The following PIK3R1 variants were observed in gnomAD, a reference collection of about 807,000 sequenced individuals.
PIK3R1 encodes phosphoinositide-3-kinase regulatory subunit 1, also known as phosphatidylinositol 3-kinase regulatory subunit alpha.
In PIK3R1, 29 loss-of-function variants were observed where a neutral mutation model predicts 98.0. The observed-to-expected ratio is 0.30, with a 90% CI of 0.22 to 0.40. The LOEUF (loss-of-function observed/expected upper bound fraction) is 0.40, where lower values mean the gene tolerates loss of function less well. Ranked by LOEUF, PIK3R1 falls within the 10% of genes least tolerant of loss-of-function variation. The pLI is 1.00. For synonymous variants in PIK3R1, 282 were observed against 311.8 expected (o/e 0.90, Z 1.01); for missense variants, 596 against 872.7 (o/e 0.68, Z 3.99).
intron 2 of PIK3R1, among the ~76,000 whole-genome samples, chr5:68,249,009 G>A (rs1745203222): frequency 6.6e-6 from 1 of 152,190 alleles, no homozygotes; most frequent in South Asian, 2.1e-4. Flanking sequence ...ATTCAAAAAG[G>A]TGAGATAGAG....
At chr5:68,263,614 C>G (rs1048586140) in intron 2 of PIK3R1, among the ~76,000 whole-genome samples, 3 of 152,132 alleles carry the variant, frequency 2.0e-5, no homozygotes, top group Non-Finnish European at 4.4e-5. Flanking sequence ...TTTTGTTAAA[C>G]TCTGATTCCT....
At chr5:68,279,846 T>G in intron 5 of PIK3R1, 113 bp downstream of exon 5, 1 of 1,000,532 alleles carries the variant, frequency 1.0e-6, no homozygotes, top group Non-Finnish European at 1.5e-6. Flanking sequence ...TAATAACCTG[T>G]CCCTCCCCCA....
At position 68,301,420 on chromosome 5, in the gene PIK3R1, A is replaced by ATGTGTGTG. The variant is rs1395079558; in HGVS notation, c.*3820_*3821insGTGTGTGT. On this transcript the variant is annotated 3_prime_UTR_variant, in exon 16 of 16. Coordinates refer to ENST00000521381, the MANE Select transcript of PIK3R1 (RefSeq NM_181523.3). ...TATATATATATATATATATATATAT[A>ATGTGTGTG]TATATATATATATGTGTGTGTATAT... The ATGTGTGTG allele has an allele frequency of 2.9e-5, 3 of 102,960 alleles. No individual in the cohort carries two copies. The highest frequency in any genetic ancestry group is 1.0e-4 in the Admixed American group (1 of 9,904). The allele number at this position is 102,960 out of a possible 1,614,324, so 6.4% of individuals were successfully genotyped here. A position where few individuals can be genotyped will look rare whatever the true frequency, so the allele number is the denominator to read the frequency against.
intron 2 of PIK3R1, among the ~76,000 whole-genome samples, chr5:68,256,252 C>G (rs749860532): frequency 5.6e-4 from 86 of 152,218 alleles, no homozygotes; most frequent in African/African-American, 2.0e-3. Flanking sequence ...TTTGTTGAGA[C>G]GGAGTCTCGC....
chr5:68,234,166 G>A (rs145624712), intron 2 of PIK3R1, among the ~76,000 whole-genome samples: 67 of 152,282 alleles, frequency 4.4e-4, no homozygotes, highest in African/African-American at 1.4e-3. Context: ...ATTCCTTAAC[G>A]TTCTAGTTCC....
intron 7 of PIK3R1, among the ~76,000 whole-genome samples, chr5:68,287,292 T>A (rs1431772370): frequency 1.3e-5 from 2 of 152,162 alleles, no homozygotes; most frequent in Non-Finnish European, 2.9e-5. Flanking sequence ...CTTAAAAGAT[T>A]AACTTCAGTT....
intron 1 of PIK3R1, among the ~76,000 whole-genome samples, chr5:68,222,396 T>C (rs986886432): frequency 6.6e-6 from 1 of 152,080 alleles, no homozygotes; most frequent in Non-Finnish European, 1.5e-5. Context: ...AAGGAGGAGC[T>C]GGGTTATTGG....
chr5:68,235,270 G>A (rs1354706619), intron 2 of PIK3R1, among the ~76,000 whole-genome samples: 1 of 152,110 alleles, frequency 6.6e-6, no homozygotes, highest in African/African-American at 2.4e-5. Context: ...GGGTGTGATG[G>A]TGCATGCCTG....
intron 2 of PIK3R1, among the ~76,000 whole-genome samples, chr5:68,262,731 ACATGTAGATG>A (rs1236441875): frequency 9.5e-4 from 132 of 138,288 alleles, no homozygotes; most frequent in Non-Finnish European, 1.1e-3. Flanking sequence ...ATACATATAT[ACATGTAGATG>A]CATGTAGATA....
chr5:68,262,918 TAG>T (rs796650477), intron 2 of PIK3R1, among the ~76,000 whole-genome samples: 1 of 83,200 alleles, frequency 1.2e-5, no homozygotes, highest in Non-Finnish European at 2.6e-5. Flanking sequence ...TAGATACATG[TAG>T]ATACATGTAT....
intron 2 of PIK3R1, among the ~76,000 whole-genome samples, chr5:68,251,666 G>A (rs1745313569): frequency 2.6e-5 from 4 of 152,036 alleles, no homozygotes; most frequent in Admixed American, 2.6e-4. Context: ...AAAGTAGGAA[G>A]CTTTTTTTAT....
chr5:68,277,327 AG>A (rs1746618707), intron 4 of PIK3R1, among the ~76,000 whole-genome samples: 1 of 152,226 alleles, frequency 6.6e-6, no homozygotes, highest in Admixed American at 6.5e-5. Flanking sequence ...CTTTATGCAG[AG>A]GATCTACTAC....
rs200107048 is a variant in PIK3R1 at position 68,293,387 on chromosome 5, G to A, written c.1203G>A (p.Val401=). 6.2e-7 allele frequency: 1 copy of A among 1,613,310 alleles called. No individual in the cohort carries two copies. The highest frequency in any genetic ancestry group is 2.2e-5 in the East Asian group (1 of 44,818). The change falls in exon 10 of 16, where the codon GTG becomes GTA. Residue 401 remains valine (V), a synonymous_variant. Transcript: ENST00000521381. The stretch of plus-strand genomic sequence containing the variant: ...CTGACCCATTAACCTTCAGTTCTGT[G>A]GTTGAATTAATAAACCACTACCGGA... The part of the protein sequence containing the change: ...GFSDPLTFSS[V]VELINHYRNE...
intron 1 of PIK3R1, among the ~76,000 whole-genome samples, chr5:68,225,558 T>G (rs1302719013): frequency 6.6e-6 from 1 of 152,164 alleles, no homozygotes; most frequent in Non-Finnish European, 1.5e-5. Context: ...AGTGTTTATT[T>G]CACTCCTCCC....
chr5:68,282,987 C>T (rs1398868646), intron 7 of PIK3R1, among the ~76,000 whole-genome samples: 2 of 152,152 alleles, frequency 1.3e-5, no homozygotes, highest in Admixed American at 6.5e-5. Context: ...ACAAAACGTC[C>T]CCATCCAGAA....
At chr5:68,292,222 T>C (rs1747434013) in intron 7 of PIK3R1, 37 bp from the exon 8 acceptor site, 2 of 1,308,244 alleles carry the variant, frequency 1.5e-6, no homozygotes, top group Admixed American at 1.9e-5. Flanking sequence ...TCTAATGTAG[T>C]TGGGATTGCG....
At position 68,297,946 on chromosome 5, in the gene PIK3R1, G is replaced by T; in HGVS notation, c.*345G>T. On this transcript the variant is annotated 3_prime_UTR_variant, in exon 16 of 16. Transcript: ENST00000521381. ...GCCTTTAACCATGGTGCTTGTTAAT[G>T]CTTTCTGAAGCTTTACCAGCTGAAA... 1 of 242,790 alleles carries T rather than the reference G, an allele frequency of 4.1e-6. No homozygotes were observed. Among genetic ancestry groups the T allele is most frequent in the South Asian group, 1.6e-4 (1 of 6,122 alleles). The allele number at this position is 242,790 out of a possible 1,614,324, so 15.0% of individuals were successfully genotyped here.
intron 2 of PIK3R1, among the ~76,000 whole-genome samples, chr5:68,269,256 C>T (rs761256701): frequency 1.4e-4 from 21 of 152,166 alleles, no homozygotes; most frequent in Non-Finnish European, 3.1e-4. Context: ...GTAAAGGAAT[C>T]AACAAATTTG....
At chr5:68,239,614 G>A (rs1322770059) in intron 2 of PIK3R1, among the ~76,000 whole-genome samples, 1 of 152,204 alleles carries the variant, frequency 6.6e-6, no homozygotes, top group African/African-American at 2.4e-5. Flanking sequence ...GAGGAGCTGG[G>A]ATTTGACCCC....
Sources: gnomAD v4.1 joint callset for allele counts (sites outside exome capture counted in the v4.1 genomes callset) on GRCh38, gnomAD v4.1.1 for gene constraint, MANE v1.5 for transcripts, NCBI Gene and HGNC (gene_info 2026-07-23, HGNC 2026-07-21) for gene names.